Variants in CNBD1 observed in about 807,000 individuals in gnomAD.
CNBD1 encodes cyclic nucleotide binding domain containing 1, also known as cyclic nucleotide-binding domain-containing protein 1.
A neutral mutation model predicts 54.4 loss-of-function variants in CNBD1; 71 were observed. That is an observed-to-expected ratio of 1.30 (90% CI 1.08 to 1.59). The LOEUF (loss-of-function observed/expected upper bound fraction) is 1.59. Ranked by LOEUF, CNBD1 falls within the 40% of genes most tolerant of loss-of-function variation. CNBD1 has a pLI of 0.00. For synonymous variants in CNBD1, 182 were observed against 170.7 expected, an observed-to-expected ratio of 1.07 and a Z score of -0.51; for missense variants, 659 against 518.0, an observed-to-expected ratio of 1.27 and a Z score of -2.64.
intron 10 of CNBD1, among the ~76,000 whole-genome samples, chr8:87,370,143 T>A (rs1563573427): frequency 6.6e-6 from 1 of 151,852 alleles, no homozygotes; most frequent in Non-Finnish European, 1.5e-5. Flanking sequence ...GACATTTGGG[T>A]TGGTTCCAAG....
At chr8:87,029,870 G>GA (rs142684052) in intron 4 of CNBD1, among the ~76,000 whole-genome samples, 6,110 of 152,076 alleles carry the variant, frequency 0.04, 408 homozygotes, top group African/African-American at 0.14. Flanking sequence ...TATTTTGAGG[G>GA]TACATTTCCT....
At chr8:86,913,666 G>C (rs1189347327) in intron 3 of CNBD1, among the ~76,000 whole-genome samples, 7 of 152,184 alleles carry the variant, frequency 4.6e-5, no homozygotes, top group African/African-American at 1.2e-4. Flanking sequence ...GGCAACAAAA[G>C]ATCACAAGGC....
In CNBD1 at chr8:87,075,779, G is replaced by A. The variant is rs548082898; in HGVS notation, c.432-130214G>A. Among the ~76,000 whole-genome samples the A allele has an allele frequency of 1.3e-3, 191 of 152,244 alleles. 2 individuals are homozygous for A. The highest frequency in any genetic ancestry group is 4.4e-3 in the African/African-American group (184 of 41,546). On this transcript the variant is annotated intron_variant, in intron 4 of 10. Transcript: ENST00000518476. ...GGTAAAATGTACATGGGTGTTTGGC[G>A]AATGTTTTAATCTTTTTATTTTTGT... is the stretch of plus-strand genomic sequence containing the variant.
chr8:86,940,132 CTT>C (rs10671983), intron 4 of CNBD1, among the ~76,000 whole-genome samples: 3 of 88,732 alleles, frequency 3.4e-5, no homozygotes, highest in Admixed American at 1.6e-4. Context: ...CCACATGTTA[CTT>C]TTTTTTTTTT....
chr8:87,205,410 T>C (rs946014031), intron 4 of CNBD1, among the ~76,000 whole-genome samples: 4 of 152,280 alleles, frequency 2.6e-5, no homozygotes, highest in African/African-American at 9.6e-5. Flanking sequence ...GAATTTTATA[T>C]CCTGATTTAG....
At chr8:86,911,760 A>G (rs13260718) in intron 3 of CNBD1, among the ~76,000 whole-genome samples, 72,137 of 151,970 alleles carry the variant, frequency 0.47, 17,915 homozygotes, top group South Asian at 0.6. Context: ...AAATAATTCA[A>G]TAAAATTGCA....
chr8:87,303,035 C>T, intron 8 of CNBD1, among the ~76,000 whole-genome samples: 1 of 151,644 alleles, frequency 6.6e-6, no homozygotes, highest in Non-Finnish European at 1.5e-5. Context: ...TAGGAAGAAT[C>T]AATATCGTGA....
chr8:87,422,212 C>T (rs1222161217), intron 2 of CNBD1, among the ~76,000 whole-genome samples: 1 of 147,152 alleles, frequency 6.8e-6, no homozygotes, highest in Non-Finnish European at 1.5e-5. Context: ...AAATTTTTCC[C>T]ATTTTGTAGG....
chr8:87,154,014 G>A (rs187960561), intron 4 of CNBD1, among the ~76,000 whole-genome samples: 4 of 152,248 alleles, frequency 2.6e-5, no homozygotes, highest in African/African-American at 7.2e-5. Flanking sequence ...GTGTTGAGAC[G>A]AGTGGAGAGC....
chr8:87,279,203 G>C (rs1247580326), intron 6 of CNBD1, among the ~76,000 whole-genome samples: 1 of 151,294 alleles, frequency 6.6e-6, no homozygotes, highest in Non-Finnish European at 1.5e-5. Context: ...GAGGGACACT[G>C]TAATTTAGGG....
At chr8:87,265,015 TTTG>T (rs1808220048) in intron 6 of CNBD1, among the ~76,000 whole-genome samples, 1 of 152,194 alleles carries the variant, frequency 6.6e-6, no homozygotes, top group African/African-American at 2.4e-5. Flanking sequence ...TTAGATCCCC[TTTG>T]TCAATTTTGG....
chr8:87,045,668 T>C (rs1241896668), intron 4 of CNBD1, among the ~76,000 whole-genome samples: 1 of 138,242 alleles, frequency 7.2e-6, no homozygotes, highest in Non-Finnish European at 1.5e-5. Flanking sequence ...GAGCTTGCAG[T>C]GAGCTAAGAT....
rs556431451 is a variant in CNBD1, at chr8:87,382,328, G to A, written c.1304-292G>A. On this transcript the variant is annotated intron_variant, in intron 10 of 10. Transcript: ENST00000518476. ...AATTATCAATTTAAAATATCAGCAAGAAACATAATATTACTACAGAAAACA... is the reference window on the plus strand; with the variant it reads ...AATTATCAATTTAAAATATCAGCAAAAAACATAATATTACTACAGAAAACA... Among the ~76,000 whole-genome samples, 212 of 151,776 alleles carry A rather than the reference G, an allele frequency of 1.4e-3. 2 individuals carry two copies. The highest frequency in any genetic ancestry group is 4.3e-3 in the African/African-American group (179 of 41,456).
In CNBD1 at chr8:86,949,954, T is replaced by TTTG. The variant is rs1563833510; in HGVS notation, c.431+10202_431+10203insGTT. ...GTTATACTTCATCAAATGCTTTTTT[T>TTTG]TTTTTTTTTTTTTTTTTTTTGAGAT... On this transcript the variant is annotated intron_variant, in intron 4 of 10. Transcript: ENST00000518476. Among the ~76,000 whole-genome samples the TTTG allele has an allele frequency of 1.0e-4, 4 of 38,550 alleles. 1 individual carries two copies. Among genetic ancestry groups the TTTG allele is most frequent in the Admixed American group, 3.2e-4 (1 of 3,120 alleles). The allele number at this position is 38,550 out of a possible 152,430, so 25.3% of individuals were successfully genotyped here. A position where few individuals can be genotyped will look rare whatever the true frequency, so the allele number is the denominator to read the frequency against.
chr8:86,931,730 G>C (rs976640104), intron 3 of CNBD1, among the ~76,000 whole-genome samples: 1 of 152,068 alleles, frequency 6.6e-6, no homozygotes, highest in African/African-American at 2.4e-5. Flanking sequence ...ACTAGCTTTC[G>C]GAGGTTTCTC....
chr8:87,170,872 C>T (rs1813070669), intron 4 of CNBD1, among the ~76,000 whole-genome samples: 1 of 152,112 alleles, frequency 6.6e-6, no homozygotes, highest in Admixed American at 6.6e-5. Flanking sequence ...CCCACTTGGT[C>T]ATGATGAATG....
At chr8:86,914,554 T>C (rs1809153139) in intron 3 of CNBD1, among the ~76,000 whole-genome samples, 1 of 152,196 alleles carries the variant, frequency 6.6e-6, no homozygotes, top group Admixed American at 6.5e-5. Flanking sequence ...ATCCCTATCA[T>C]TAGTCAACAT....
At chr8:87,233,094 A>G (rs1807479734) in intron 5 of CNBD1, among the ~76,000 whole-genome samples, 1 of 152,122 alleles carries the variant, frequency 6.6e-6, no homozygotes, top group Non-Finnish European at 1.5e-5. Flanking sequence ...AATAGTAACT[A>G]CAACAACATA....
At chr8:87,096,924 G>T (rs965995211) in intron 4 of CNBD1, among the ~76,000 whole-genome samples, 1 of 152,106 alleles carries the variant, frequency 6.6e-6, no homozygotes, top group Non-Finnish European at 1.5e-5. Flanking sequence ...AAGCAGTGAA[G>T]CACTGGATAA....
Sources: allele counts gnomAD v4.1 joint callset (sites outside exome capture counted in the v4.1 genomes callset), GRCh38; gene constraint gnomAD v4.1.1; transcripts MANE v1.5; gene names NCBI Gene and HGNC (gene_info 2026-07-23, HGNC 2026-07-21).